Variants in ZFHX4 observed in about 807,000 individuals in gnomAD.
ZFHX4 encodes the protein zinc finger homeobox 4, also known as zinc finger homeobox protein 4.
A neutral mutation model predicts 267.6 loss-of-function variants in ZFHX4; 56 were observed. The observed-to-expected ratio is 0.21, with a 90% CI of 0.17 to 0.26. The LOEUF (loss-of-function observed/expected upper bound fraction) is 0.26. Ranked by LOEUF, ZFHX4 falls within the 10% of genes least tolerant of loss-of-function variation. The pLI is 1.00. For synonymous variants in ZFHX4, 1,778 were observed against 1,665.6 expected, an observed-to-expected ratio of 1.07 and a Z score of -1.64; for missense variants, 4,332 against 4,420.0, an observed-to-expected ratio of 0.98 and a Z score of 0.56.
intron 3 of ZFHX4, among the ~76,000 whole-genome samples, chr8:76,711,519 A>G (rs1299985802): frequency 6.6e-6 from 1 of 152,170 alleles, no homozygotes; most frequent in Non-Finnish European, 1.5e-5. Flanking sequence ...CAGCTAACCC[A>G]TTTATTAGAT....
intron 10 of ZFHX4, among the ~76,000 whole-genome samples, chr8:76,857,461 C>T (rs1245305416): frequency 6.6e-6 from 1 of 150,692 alleles, no homozygotes; most frequent in Non-Finnish European, 1.5e-5. Flanking sequence ...TTTTCAATTC[C>T]ATGATTTTCT....
In ZFHX4 at chr8:76,854,091, C is replaced by T. The variant is rs534280594; in HGVS notation, c.7170C>T (p.Pro2390=). 4.6e-5 allele frequency: 74 copies of T among 1,613,906 alleles called. No homozygotes were observed. In the South Asian group the frequency reaches 5.8e-4, roughly 13 times the overall value. ...GTTCTGGCTCTGGGACCAGCACCCCCCTGATTCCATCACCCAAACCAGAAC... is the reference window on the plus strand; with the variant it reads ...GTTCTGGCTCTGGGACCAGCACCCCTCTGATTCCATCACCCAAACCAGAAC... ...AASSGSGTST[P]LIPSPKPEPE... Residue 2390 remains proline (P), a synonymous_variant, in exon 10 of 11, where the codon CCC becomes CCT. Coordinates refer to ENST00000651372, the MANE Select transcript of ZFHX4 (RefSeq NM_024721.5).
intron 3 of ZFHX4, among the ~76,000 whole-genome samples, chr8:76,731,981 A>G (rs1373989312): frequency 6.6e-6 from 1 of 151,770 alleles, no homozygotes; most frequent in Admixed American, 6.6e-5. Context: ...AACTGGGACT[A>G]CAGGTGTGTG....
intron 4 of ZFHX4, among the ~76,000 whole-genome samples, chr8:76,820,546 A>T (rs1431544892): frequency 6.6e-6 from 1 of 152,212 alleles, no homozygotes; most frequent in Non-Finnish European, 1.5e-5. Context: ...TGTGGAAAAG[A>T]GTACCAATTT....
intron 3 of ZFHX4, among the ~76,000 whole-genome samples, chr8:76,773,574 G>A (rs546891461): frequency 5.3e-5 from 8 of 152,198 alleles, no homozygotes; most frequent in Admixed American, 2.0e-4. Flanking sequence ...TACAAAAGAC[G>A]TGTAAACAAG....
intron 4 of ZFHX4, among the ~76,000 whole-genome samples, chr8:76,820,622 A>G (rs1447305830): frequency 6.6e-6 from 1 of 152,170 alleles, no homozygotes; most frequent in Admixed American, 6.5e-5. Context: ...TGCCATATGC[A>G]TTATATATTG....
intron 3 of ZFHX4, among the ~76,000 whole-genome samples, chr8:76,721,786 G>A (rs1808727689): frequency 6.6e-6 from 1 of 152,074 alleles, no homozygotes. Context: ...GAAAAATAAT[G>A]TACAGTAACA....
At chr8:76,703,317 T>C (rs967641954) in intron 1 of ZFHX4, among the ~76,000 whole-genome samples, 9 of 152,154 alleles carry the variant, frequency 5.9e-5, no homozygotes, top group African/African-American at 2.2e-4. Context: ...GTGAATGTGA[T>C]TGTCCCCTAG....
chr8:76,831,775 G>A (rs1811939406), intron 4 of ZFHX4, among the ~76,000 whole-genome samples: 2 of 152,092 alleles, frequency 1.3e-5, no homozygotes, highest in Admixed American at 6.5e-5. Context: ...GGAAGAATAG[G>A]AGGCTCACAG....
chr8:76,804,011 T>C (rs538687495), intron 4 of ZFHX4, among the ~76,000 whole-genome samples: 1 of 152,132 alleles, frequency 6.6e-6, no homozygotes, highest in Non-Finnish European at 1.5e-5. Context: ...CTTTTTAATG[T>C]CTGAGAAAAT....
At chr8:76,697,329 G>T (rs1355312566) in intron 1 of ZFHX4, among the ~76,000 whole-genome samples, 1 of 151,546 alleles carries the variant, frequency 6.6e-6, no homozygotes, top group South Asian at 2.1e-4. Flanking sequence ...TTACTAGTTC[G>T]GTATATCTAT....
intron 3 of ZFHX4, among the ~76,000 whole-genome samples, chr8:76,710,366 A>G (rs1808391822): frequency 6.6e-6 from 1 of 152,208 alleles, no homozygotes; most frequent in African/African-American, 2.4e-5. Flanking sequence ...TGTGAATCAT[A>G]GAGGATTTTC....
chr8:76,727,125 C>T (rs1808873913), intron 3 of ZFHX4, among the ~76,000 whole-genome samples: 1 of 152,062 alleles, frequency 6.6e-6, no homozygotes, highest in Non-Finnish European at 1.5e-5. Flanking sequence ...GCTGACTGGC[C>T]AGGTCAGCCT....
chr8:76,750,074 A>G (rs1383566507), intron 3 of ZFHX4, among the ~76,000 whole-genome samples: 2 of 152,180 alleles, frequency 1.3e-5, no homozygotes, highest in African/African-American at 4.8e-5. Context: ...TTAAAATTCT[A>G]TGAGAACCAG....
At chr8:76,713,538 TC>T (rs767954504) in intron 3 of ZFHX4, among the ~76,000 whole-genome samples, 4 of 152,172 alleles carry the variant, frequency 2.6e-5, no homozygotes, top group Non-Finnish European at 5.9e-5. Flanking sequence ...TGCCTACACA[TC>T]AGGAAAATAC....
chr8:76,853,907 C>G lies in ZFHX4; in HGVS notation c.6986C>G (p.Thr2329Arg). 1 of 1,613,884 alleles carries G rather than the reference C, an allele frequency of 6.2e-7. No homozygotes were observed. The highest frequency in any genetic ancestry group is 8.5e-7 in the Non-Finnish European group (1 of 1,179,864). The change falls in exon 10 of 11, where the codon ACG becomes AGG. Residue 2329 changes from threonine (T) to arginine (R), a missense_variant. Around this residue, in one of 7 missense-constraint regions of ZFHX4, gnomAD observed 1,648 missense variants for 1,625.0 expected, o/e 1.01. Coordinates refer to ENST00000651372, the MANE Select transcript of ZFHX4 (RefSeq NM_024721.5). Reference sequence around the variant, plus strand: ...TTCCCCAGGATCTTTGACTTGATTACGCATCAGAAAAAGCAGTGTTACAAG... The same window carrying G: ...TTCCCCAGGATCTTTGACTTGATTAGGCATCAGAAAAAGCAGTGTTACAAG... Reference protein sequence around the residue: ...VVFPRIFDLITHQKKQCYKDE... With the variant: ...VVFPRIFDLIRHQKKQCYKDE...
chr8:76,833,564 C>A (rs1811994230), intron 5 of ZFHX4, 158 bp downstream of exon 5: 1 of 586,342 alleles, frequency 1.7e-6, no homozygotes, highest in Non-Finnish European at 2.9e-6. Flanking sequence ...GAAATAAATT[C>A]AATAATTGGA....
At chr8:76,773,231 A>G (rs898447862) in intron 3 of ZFHX4, among the ~76,000 whole-genome samples, 1 of 152,174 alleles carries the variant, frequency 6.6e-6, no homozygotes, top group Non-Finnish European at 1.5e-5. Flanking sequence ...AAAATTTAAT[A>G]TAGAAGGACC....
At chr8:76,804,790 A>G (rs1308070195) in intron 4 of ZFHX4, among the ~76,000 whole-genome samples, 1 of 152,034 alleles carries the variant, frequency 6.6e-6, no homozygotes, top group Non-Finnish European at 1.5e-5. Flanking sequence ...GTGAGGTGAG[A>G]GGTCATGGCG....
Sources: allele counts gnomAD v4.1 joint callset (sites outside exome capture counted in the v4.1 genomes callset), GRCh38; gene constraint gnomAD v4.1.1; regional missense constraint gnomAD v4.1.1; transcripts MANE v1.5; gene names NCBI Gene and HGNC (gene_info 2026-07-23, HGNC 2026-07-21).